HTN1: variants seen among roughly 807,000 people sequenced by gnomAD.
HTN1 encodes histatin 1, also known as histatin-1.
Under a neutral mutation model 11.2 loss-of-function variants are expected in HTN1, and 18 were observed. That is an observed-to-expected ratio of 1.61 (90% CI 1.12 to 2.39). HTN1 has a LOEUF of 2.39. HTN1 is among the 30% of genes most tolerant of loss of function. HTN1 has a pLI of 0.00. For synonymous variants in HTN1, 21 were observed against 20.5 expected, an observed-to-expected ratio of 1.02 and a Z score of -0.07; for missense variants, 80 against 67.2, an observed-to-expected ratio of 1.19 and a Z score of -0.67.
At chr4:70,051,242 CTATT>C (rs1725885207) in intron 1 of HTN1, among the ~76,000 whole-genome samples, 1 of 151,948 alleles carries the variant, frequency 6.6e-6, no homozygotes, top group African/African-American at 2.4e-5. Flanking sequence ...TAATAGGAAA[CTATT>C]TTATTACTTT....
intron 5 of HTN1, chr4:70,056,704 A>G (rs1427959879): frequency 6.6e-6 from 1 of 152,058 alleles, no homozygotes; most frequent in Non-Finnish European, 1.5e-5. Flanking sequence ...AAAACAAACA[A>G]CCCCATCTAA....
chr4:70,057,382 G>C (rs1726070212), intron 5 of HTN1: 1 of 151,696 alleles, frequency 6.6e-6, no homozygotes, highest in African/African-American at 2.4e-5. Context: ...CAGGGATGGA[G>C]GGGAGGGAGT....
rs1234948910 is a variant in HTN1 at position 70,054,338 on chromosome 4, A to G, written c.68A>G (p.Glu23Gly). 6.6e-7 allele frequency: 1 copy of G among 1,525,900 alleles called. No homozygotes were observed. Among genetic ancestry groups the G allele is most frequent in the East Asian group, 2.3e-5 (1 of 43,544 alleles). 94.5% of individuals were successfully genotyped at this position (1,525,900 alleles called of 1,614,324 possible). Residue 23 changes from glutamate (E) to glycine (G), a missense_variant, in exon 3 of 6, where the codon GAA (glutamate) becomes GGA (glycine). By Grantham distance (98) the Glu-to-Gly change is moderately conservative. Coordinates refer to ENST00000246896, the MANE Select transcript of HTN1 (RefSeq NM_002159.4). ...MISMISADSH[E>G]KRHHGYRRKF... ...TTTTCCAAGAGCGCTGATTCACATGAAAAGGTAAGACATTTTCATTTACGG... is the reference window on the plus strand; with the variant it reads ...TTTTCCAAGAGCGCTGATTCACATGGAAAGGTAAGACATTTTCATTTACGG...
chr4:70,053,412 A>G (rs1725951017), intron 2 of HTN1, among the ~76,000 whole-genome samples: 1 of 152,176 alleles, frequency 6.6e-6, no homozygotes, highest in African/African-American at 2.4e-5. Context: ...GATCTGTGAA[A>G]GTATCTTTAA....
intron 1 of HTN1, among the ~76,000 whole-genome samples, chr4:70,052,196 T>G (rs1444722377): frequency 6.6e-6 from 1 of 152,192 alleles, no homozygotes; most frequent in Non-Finnish European, 1.5e-5. Context: ...CTCTTCATTT[T>G]ATTTTTCGCT....
At chr4:70,057,156 A>G (rs1726064326) in intron 5 of HTN1, 1 of 152,232 alleles carries the variant, frequency 6.6e-6, no homozygotes. Flanking sequence ...TTAATGATAG[A>G]CTGGATAAAG....
intron 1 of HTN1, 44 bp downstream of exon 1, chr4:70,050,539 C>T (rs966774918): frequency 6.6e-6 from 1 of 152,048 alleles, no homozygotes; most frequent in African/African-American, 2.4e-5. Context: ...TTAGCATAAG[C>T]TTTTGTTTGC....
chr4:70,054,079 T>G (rs112632858), intron 2 of HTN1, among the ~76,000 whole-genome samples: 2,566 of 152,186 alleles, frequency 0.017, 78 homozygotes, highest in African/African-American at 0.059. Context: ...TTTTCCTGCC[T>G]TACATAAAAA....
At chr4:70,056,665 AC>A (rs548951421) in intron 5 of HTN1, 97 of 152,306 alleles carry the variant, frequency 6.4e-4, no homozygotes, top group African/African-American at 2.2e-3. Flanking sequence ...TCCAGAATCT[AC>A]AAGGAACTTA....
chr4:70,054,335 A>G lies in HTN1; in HGVS notation c.65A>G (p.His22Arg), dbSNP rs544517931. 90 of 1,521,916 alleles carry G rather than the reference A, an allele frequency of 5.9e-5. 1 individual carries two copies. In the South Asian group the frequency reaches 9.5e-4, roughly 16 times the overall value. The allele number at this position is 1,521,916 out of a possible 1,614,324, so 94.3% of individuals were successfully genotyped here. A position where few individuals can be genotyped will look rare whatever the true frequency, so the allele number is the denominator to read the frequency against. The change falls in exon 3 of 6, where the codon CAT (histidine) becomes CGT (arginine). Residue 22 changes from histidine (H) to arginine (R), a missense_variant. By Grantham distance (29) the His-to-Arg change is conservative (BLOSUM62 0). Transcript: ENST00000246896. ...LMISMISADS[H>R]EKRHHGYRRK... is the part of the protein sequence containing the mutation. ...TTTTTTTCCAAGAGCGCTGATTCAC[A>G]TGAAAAGGTAAGACATTTTCATTTA...
intron 5 of HTN1, 167 bp downstream of exon 5, chr4:70,055,769 A>C: frequency 2.0e-6 from 1 of 501,840 alleles, no homozygotes; most frequent in South Asian, 2.3e-5. Context: ...ATGTGGTGTT[A>C]TTTCTGAGGT....
chr4:70,055,436 A>G, intron 4 of HTN1, 62 bp from the exon 5 acceptor site: 1 of 1,180,714 alleles, frequency 8.5e-7, no homozygotes, highest in Non-Finnish European at 1.3e-6. Flanking sequence ...AGTTTTTGAG[A>G]AACACTTGTA....
rs774868284 is a variant in HTN1, at chr4:70,055,606, A to G, written c.*33+4A>G. The G allele has an allele frequency of 3.1e-6, 4 of 1,279,266 alleles. No homozygotes were observed. Among genetic ancestry groups the G allele is most frequent in the African/African-American group, 3.0e-5 (2 of 67,472 alleles). The allele number at this position is 1,279,266 out of a possible 1,614,324, so 79.2% of individuals were successfully genotyped here. A position where few individuals can be genotyped will look rare whatever the true frequency, so the allele number is the denominator to read the frequency against. ...ATCATGGGGCATGATTATAGAGGTA[A>G]GCTGACTCTAGTTGCTTGTCTTTCT... On this transcript the variant is annotated splice_donor_region_variant and intron_variant, in intron 5 of 5. Transcript: ENST00000246896.
At chr4:70,053,041 A>T (rs771725459) in intron 1 of HTN1, 23 bp from the exon 2 acceptor site, 2 of 1,451,324 alleles carry the variant, frequency 1.4e-6, no homozygotes, top group South Asian at 2.3e-5. Flanking sequence ...GTGATTACTG[A>T]TTTTTCATGT....
chr4:70,056,537 G>C (rs1247647064), intron 5 of HTN1: 1 of 152,108 alleles, frequency 6.6e-6, no homozygotes, highest in African/African-American at 2.4e-5. Flanking sequence ...ATTGACAAAT[G>C]GGATCTAATT....
chr4:70,051,762 A>T (rs1229912638), intron 1 of HTN1, among the ~76,000 whole-genome samples: 2 of 152,148 alleles, frequency 1.3e-5, no homozygotes, highest in Non-Finnish European at 2.9e-5. Flanking sequence ...TCTGCTTTTC[A>T]TGATAGAGAT....
chr4:70,053,978 T>C (rs1260878411), intron 2 of HTN1, among the ~76,000 whole-genome samples: 6 of 152,174 alleles, frequency 3.9e-5, no homozygotes, highest in African/African-American at 1.2e-4. Context: ...TGTATGTTGG[T>C]AGCTTTTGAG....
Position 70,054,262 on chromosome 4 carries a change from C to T in HTN1, c.52-60C>T, listed in dbSNP as rs1725975068. ...ATATGTGGCTAAGTCAATATTTATA[C>T]TTACTCTTGAATTATAAAATTAAAA... is the stretch of plus-strand genomic sequence containing the variant. On this transcript the variant is annotated intron_variant, in intron 2 of 5. Transcript: ENST00000246896. 5 of 1,064,292 alleles carry T rather than the reference C, an allele frequency of 4.7e-6. No individual in the cohort carries two copies. In the South Asian group the frequency reaches 6.5e-5, roughly 14 times the overall value. 65.9% of individuals were successfully genotyped at this position (1,064,292 alleles called of 1,614,324 possible).
chr4:70,058,167 T>C (rs1726092217), intron 5 of HTN1: 1 of 152,160 alleles, frequency 6.6e-6, no homozygotes, highest in Non-Finnish European at 1.5e-5. Flanking sequence ...GACATTTTAT[T>C]CATATTGAAT....
Sources: gnomAD v4.1 joint callset for allele counts (sites outside exome capture counted in the v4.1 genomes callset) on GRCh38, gnomAD v4.1.1 for gene constraint, MANE v1.5 for transcripts, NCBI Gene and HGNC (gene_info 2026-07-23, HGNC 2026-07-21) for gene names.